The following ARPC1A variants were observed in gnomAD, a reference collection of about 807,000 sequenced individuals.
ARPC1A encodes the protein actin-related protein 2/3 complex subunit 1A.
Under a neutral mutation model 46.9 loss-of-function variants are expected in ARPC1A, and 8 were observed. That is an observed-to-expected ratio of 0.17 (90% CI 0.10 to 0.31). The LOEUF is 0.31. Ranked by LOEUF, ARPC1A falls within the 10% of genes least tolerant of loss-of-function variation. The pLI is 1.00. For synonymous variants in ARPC1A, 152 were observed against 169.0 expected (o/e 0.90, Z 0.78); for missense variants, 286 against 483.6 (o/e 0.59, Z 3.83).
At position 99,344,602 on chromosome 7, in the gene ARPC1A, TC is replaced by T; in HGVS notation, c.392+88del. On this transcript the variant is annotated intron_variant, in intron 4 of 9. Transcript: ENST00000262942. ...GAGGGCTCACCATAACTCCAGTTTT[TC>T]TCATCCGGAGTTGTGTGGTTTTTTC... 4 of 1,363,058 alleles carry T rather than the reference TC, an allele frequency of 2.9e-6. No homozygotes were observed. In the South Asian group the frequency reaches 5.1e-5, roughly 18 times the overall value. 84.4% of individuals were successfully genotyped at this position (1,363,058 alleles called of 1,614,324 possible).
Position 99,359,440 on chromosome 7 carries a change from A to C in ARPC1A, c.790-105A>C, listed in dbSNP as rs1286518166. The C allele has an allele frequency of 1.6e-5, 16 of 979,200 alleles. No individual in the cohort carries two copies. In the East Asian group the frequency reaches 5.1e-4, roughly 31 times the overall value. 60.7% of individuals were successfully genotyped at this position (979,200 alleles called of 1,614,324 possible). On this transcript the variant is annotated intron_variant, in intron 7 of 9. Transcript: ENST00000262942. ...AACAGAGCAAGACTCGGTCTCAAAA[A>C]AAAAAAAAAAAAAGAGTAAGAGAGG...
At chr7:99,359,281 C>T (rs1197464696) in intron 7 of ARPC1A, among the ~76,000 whole-genome samples, 3 of 151,822 alleles carry the variant, frequency 2.0e-5, no homozygotes, top group Non-Finnish European at 4.4e-5. Flanking sequence ...ACTAAAAACA[C>T]AAAAATTAGC....
chr7:99,331,849 G>T (rs1562795526), intron 1 of ARPC1A, among the ~76,000 whole-genome samples: 1 of 152,220 alleles, frequency 6.6e-6, no homozygotes, highest in Non-Finnish European at 1.5e-5. Flanking sequence ...AGTCCAGGAA[G>T]TGGAGGTTGC....
Position 99,366,131 on chromosome 7 carries a change from T to C in ARPC1A, c.*202T>C. The C allele has an allele frequency of 1.6e-6, 1 of 615,062 alleles. No individual in the cohort carries two copies. Among genetic ancestry groups the C allele is most frequent in the Non-Finnish European group, 2.8e-6 (1 of 359,676 alleles). The allele number at this position is 615,062 out of a possible 1,614,324, so 38.1% of individuals were successfully genotyped here. ...ATTTTTTTGTTTGTTTTTTTGCGAT[T>C]TCATTCCATTCTTGACCAAAGCTTC... On this transcript the variant is annotated 3_prime_UTR_variant, in exon 10 of 10. Coordinates refer to ENST00000262942, the MANE Select transcript of ARPC1A (RefSeq NM_006409.4).
At chr7:99,331,880 C>T (rs907968588) in intron 1 of ARPC1A, among the ~76,000 whole-genome samples, 2 of 152,150 alleles carry the variant, frequency 1.3e-5, no homozygotes, top group Non-Finnish European at 2.9e-5. Context: ...GATGGTGCCA[C>T]TGTACTCCAG....
chr7:99,363,364 G>C, intron 8 of ARPC1A, 179 bp from the exon 9 acceptor site: 1 of 571,682 alleles, frequency 1.7e-6, no homozygotes. Flanking sequence ...AGGATCACTT[G>C]AGCCCAGGAG....
At chr7:99,361,446 T>A (rs1196213480) in intron 8 of ARPC1A, among the ~76,000 whole-genome samples, 3 of 146,946 alleles carry the variant, frequency 2.0e-5, no homozygotes, top group Non-Finnish European at 1.5e-5. Context: ...TGGGCTACAT[T>A]GTGAGATCCT....
At chr7:99,357,869 G>A (rs1037037856) in intron 6 of ARPC1A, among the ~76,000 whole-genome samples, 11 of 152,182 alleles carry the variant, frequency 7.2e-5, no homozygotes, top group South Asian at 2.1e-4. Flanking sequence ...GTGCCTGGCC[G>A]TCAGCACAGA....
At chr7:99,326,233 C>T (rs975986552) in intron 1 of ARPC1A, among the ~76,000 whole-genome samples, 10 of 152,194 alleles carry the variant, frequency 6.6e-5, no homozygotes, top group Non-Finnish European at 1.5e-5. Context: ...GCCTCCGATG[C>T]CCGAATTAAC....
At chr7:99,328,594 C>T (rs893714218) in intron 1 of ARPC1A, among the ~76,000 whole-genome samples, 1 of 152,110 alleles carries the variant, frequency 6.6e-6, no homozygotes, top group African/African-American at 2.4e-5. Context: ...AACCCAGCCT[C>T]GGCTTCAGAG....
intron 5 of ARPC1A, 111 bp downstream of exon 5, chr7:99,349,070 T>A: frequency 2.7e-6 from 3 of 1,107,854 alleles, no homozygotes; most frequent in South Asian, 3.0e-5. Flanking sequence ...GTTGTTGTTT[T>A]GAGACAGGGT....
chr7:99,349,604 T>C (rs1418441359), intron 5 of ARPC1A, among the ~76,000 whole-genome samples: 1 of 151,990 alleles, frequency 6.6e-6, no homozygotes. Flanking sequence ...TTTGGGAGGC[T>C]GAGGTGGGCG....
intron 6 of ARPC1A, among the ~76,000 whole-genome samples, chr7:99,356,793 G>A (rs1793642849): frequency 1.3e-5 from 2 of 151,050 alleles, no homozygotes; most frequent in South Asian, 2.1e-4. Flanking sequence ...CCAGCTACTC[G>A]GGAGGCTGAG....
intron 4 of ARPC1A, among the ~76,000 whole-genome samples, chr7:99,347,078 T>C (rs2150867122): frequency 6.6e-6 from 1 of 152,274 alleles, no homozygotes; most frequent in South Asian, 2.1e-4. Context: ...TATTTATTTA[T>C]TTATTTTTTG....
At chr7:99,332,620 T>G (rs895522816) in intron 1 of ARPC1A, among the ~76,000 whole-genome samples, 1 of 152,040 alleles carries the variant, frequency 6.6e-6, no homozygotes, top group Non-Finnish European at 1.5e-5. Flanking sequence ...TTTTTTTTTT[T>G]TGAGACAGAA....
intron 1 of ARPC1A, among the ~76,000 whole-genome samples, chr7:99,328,590 GC>G (rs1323794746): frequency 2.6e-5 from 4 of 152,268 alleles, no homozygotes; most frequent in Non-Finnish European, 5.9e-5. Flanking sequence ...TTCAAACCCA[GC>G]CTCGGCTTCA....
chr7:99,327,705 G>A (rs554035031), intron 1 of ARPC1A, among the ~76,000 whole-genome samples: 4 of 152,080 alleles, frequency 2.6e-5, no homozygotes, highest in East Asian at 3.9e-4. Context: ...GGACCATTTC[G>A]GAAAACTCCT....
chr7:99,354,960 GA>G (rs1793605501), intron 6 of ARPC1A, among the ~76,000 whole-genome samples: 4 of 151,848 alleles, frequency 2.6e-5, no homozygotes. Flanking sequence ...TAAAAATACA[GA>G]AAATTAGCTG....
intron 2 of ARPC1A, chr7:99,335,434 A>T: frequency 2.3e-6 from 1 of 440,082 alleles, no homozygotes; most frequent in South Asian, 1.6e-5. Flanking sequence ...ATTGTTCTTT[A>T]TGTTTATCCT....
Sources: gnomAD v4.1 joint callset for allele counts (sites outside exome capture counted in the v4.1 genomes callset) on GRCh38, gnomAD v4.1.1 for gene constraint, MANE v1.5 for transcripts, NCBI Gene and HGNC (gene_info 2026-07-23, HGNC 2026-07-21) for gene names.